BEAN1: variants seen among roughly 807,000 people sequenced by gnomAD.
BEAN1 encodes brain expressed associated with NEDD4 1, also known as protein BEAN1.
A neutral mutation model predicts 17.7 loss-of-function variants in BEAN1; 17 were observed. That is an observed-to-expected ratio of 0.96 (90% CI 0.66 to 1.44). BEAN1 has a LOEUF of 1.44. BEAN1 is among the 40% of genes most tolerant of loss of function. The pLI is 0.00. For synonymous variants in BEAN1, 142 were observed against 151.8 expected, an observed-to-expected ratio of 0.94 and a Z score of 0.47; for missense variants, 359 against 374.1, an observed-to-expected ratio of 0.96 and a Z score of 0.33.
chr16:66,453,183 T>C (rs1351158274), intron 2 of BEAN1, among the ~76,000 whole-genome samples: 1 of 152,202 alleles, frequency 6.6e-6, no homozygotes, highest in Non-Finnish European at 1.5e-5. Flanking sequence ...TTTTCTAGTT[T>C]CTTAACATGA....
At position 66,482,775 on chromosome 16, in the gene BEAN1, T is replaced by C; in HGVS notation, c.*1850T>C. On this transcript the variant is annotated 3_prime_UTR_variant, in exon 5 of 5. Transcript: ENST00000536005. The stretch of plus-strand genomic sequence containing the variant: ...CAATGAATAAGCAACAATGTATCTT[T>C]TCTGTGTTCAAAATAAATACATAAT... The C allele has an allele frequency of 2.3e-6, 1 of 436,204 alleles. No individual in the cohort carries two copies. Among genetic ancestry groups the C allele is most frequent in the African/African-American group, 2.0e-5 (1 of 48,872 alleles). The allele number at this position is 436,204 out of a possible 1,614,324, so 27.0% of individuals were successfully genotyped here. A position where few individuals can be genotyped will look rare whatever the true frequency, so the allele number is the denominator to read the frequency against.
chr16:66,478,933 G>C (rs1196005566), intron 4 of BEAN1: 4 of 152,402 alleles, frequency 2.6e-5, no homozygotes, highest in African/African-American at 9.7e-5. Context: ...GCACGCGTGT[G>C]CCACGCTACA....
Position 66,437,874 on chromosome 16 carries a change from T to C in BEAN1, c.25+173T>C. On this transcript the variant is annotated intron_variant, in intron 2 of 4. Transcript: ENST00000536005. ...GGCAACACGGAAGACCCCTGACGTC[T>C]GCAAGATGCTCCCTGAGAACTGAAA... The C allele has an allele frequency of 3.7e-6, 3 of 810,364 alleles. No homozygotes were observed. In the East Asian group the frequency reaches 8.0e-5, roughly 22 times the overall value. The allele number at this position is 810,364 out of a possible 1,614,324, so 50.2% of individuals were successfully genotyped here.
chr16:66,447,497 T>C (rs1962499516), intron 2 of BEAN1, among the ~76,000 whole-genome samples: 1 of 152,182 alleles, frequency 6.6e-6, no homozygotes. Flanking sequence ...ACAGTGACTG[T>C]TGCAGAACTA....
downstream of BEAN1, among the ~76,000 whole-genome samples, chr16:66,493,901 T>C (rs943088499): frequency 6.6e-6 from 1 of 152,016 alleles, no homozygotes; most frequent in Non-Finnish European, 1.5e-5. Context: ...CGCCCTGAGG[T>C]GGAGGAAGAT....
Position 66,482,603 on chromosome 16 carries a change from C to A in BEAN1, c.*1678C>A, listed in dbSNP as rs574797210. Reference sequence around the variant, plus strand: ...GTTGTACTGTATAGCCTTTAAAATGCAGTCCAGGAATGAGACTCTTTTAAG... The same window carrying A: ...GTTGTACTGTATAGCCTTTAAAATGAAGTCCAGGAATGAGACTCTTTTAAG... On this transcript the variant is annotated 3_prime_UTR_variant, in exon 5 of 5. Transcript: ENST00000536005. 5 of 353,360 alleles carry A rather than the reference C, an allele frequency of 1.4e-5. No homozygotes were observed. Among genetic ancestry groups the A allele is most frequent in the Non-Finnish European group, 2.2e-5 (4 of 182,234 alleles). 21.9% of individuals were successfully genotyped at this position (353,360 alleles called of 1,614,324 possible). A position where few individuals can be genotyped will look rare whatever the true frequency, so the allele number is the denominator to read the frequency against.
chr16:66,480,944 T>C lies in BEAN1; in HGVS notation c.*19T>C. ...TGTGTGAGGGACCCAGCCAGCCGGG[T>C]CCTGCTGGTCCCTACAGGCTGAACC... is the stretch of plus-strand genomic sequence containing the variant. On this transcript the variant is annotated 3_prime_UTR_variant, in exon 5 of 5. Transcript: ENST00000536005. 1 of 1,419,278 alleles carries C rather than the reference T, an allele frequency of 7.0e-7. No homozygotes were observed. Among genetic ancestry groups the C allele is most frequent in the East Asian group, 2.5e-5 (1 of 39,672 alleles). 87.9% of individuals were successfully genotyped at this position (1,419,278 alleles called of 1,614,324 possible).
chr16:66,442,423 A>G (rs1245961565), intron 2 of BEAN1, among the ~76,000 whole-genome samples: 5 of 152,222 alleles, frequency 3.3e-5, no homozygotes, highest in Non-Finnish European at 7.3e-5. Flanking sequence ...GGGGCCCCAG[A>G]AGAGACTAAG....
At chr16:66,489,756 G>A (rs1456086391) in intron 4 of BEAN1, among the ~76,000 whole-genome samples, 1 of 152,222 alleles carries the variant, frequency 6.6e-6, no homozygotes, top group Non-Finnish European at 1.5e-5. Flanking sequence ...AGGCTGGAGG[G>A]AAGTTTTATA....
At chr16:66,435,145 T>C (rs1555516380) in intron 1 of BEAN1, among the ~76,000 whole-genome samples, 1 of 152,002 alleles carries the variant, frequency 6.6e-6, no homozygotes, top group Non-Finnish European at 1.5e-5. Flanking sequence ...AGAAGGATGA[T>C]CAGCCCAGGG....
At chr16:66,460,574 C>G (rs563217870) in intron 2 of BEAN1, among the ~76,000 whole-genome samples, 1 of 152,200 alleles carries the variant, frequency 6.6e-6, no homozygotes, top group Non-Finnish European at 1.5e-5. Context: ...GACACACAGG[C>G]TCCCATCTCT....
At chr16:66,431,086 AGT>A (rs1458974483) in intron 1 of BEAN1, among the ~76,000 whole-genome samples, 2 of 152,260 alleles carry the variant, frequency 1.3e-5, no homozygotes, top group African/African-American at 4.8e-5. Flanking sequence ...AAAGCTTATC[AGT>A]GAGTTCAATG....
chr16:66,457,208 TGGATGGATGGATGAATGAC>T (rs534490021), intron 2 of BEAN1, among the ~76,000 whole-genome samples: 1 of 151,950 alleles, frequency 6.6e-6, no homozygotes, highest in Non-Finnish European at 1.5e-5. Flanking sequence ...AGGGGATGGG[TGGATGGATGGATGAATGAC>T]GGATGGATGG....
chr16:66,478,012 G>A, intron 4 of BEAN1: 1 of 255,790 alleles, frequency 3.9e-6, no homozygotes, highest in Non-Finnish European at 7.4e-6. Context: ...CGTGGCAGCT[G>A]TTCTGAATTC....
Position 66,469,867 on chromosome 16 carries a change from T to C in BEAN1, c.289+2T>C, listed in dbSNP as rs1389641533. On this transcript the variant is annotated splice_donor_variant, in intron 3 of 4. Coordinates refer to ENST00000536005, the MANE Select transcript of BEAN1 (RefSeq NM_001178020.3). LOFTEE classifies it high-confidence loss of function. ...ACCGAGAGTACGAGCACGGCTACGG[T>C]GAGCCGCCGCCCACCCTGGGGCCCT... 1 of 1,528,350 alleles carries C rather than the reference T, an allele frequency of 6.5e-7. No individual in the cohort carries two copies. Among genetic ancestry groups the C allele is most frequent in the East Asian group, 2.5e-5 (1 of 40,640 alleles). 94.7% of individuals were successfully genotyped at this position (1,528,350 alleles called of 1,614,324 possible). A position where few individuals can be genotyped will look rare whatever the true frequency, so the allele number is the denominator to read the frequency against.
intron 1 of BEAN1, among the ~76,000 whole-genome samples, chr16:66,432,055 C>G (rs762838907): frequency 6.6e-6 from 1 of 152,078 alleles, no homozygotes; most frequent in Non-Finnish European, 1.5e-5. Flanking sequence ...GAAACTTTTT[C>G]TGAAAAAACA....
rs1963468968 is a variant in BEAN1, at chr16:66,471,170, C to T, written c.289+1305C>T. ...CCCCTCCTCCCCCTCCCAGACACAC[C>T]CTGATTAGCCAGGTTTGGGGTATTT... On this transcript the variant is annotated intron_variant, in intron 3 of 4. Coordinates refer to ENST00000536005, the MANE Select transcript of BEAN1 (RefSeq NM_001178020.3). The surrounding 1 kb of genome is among the most constrained non-coding windows in gnomAD (Gnocchi z 4.7). Among the ~76,000 whole-genome samples the T allele has an allele frequency of 6.6e-6, 1 of 152,224 alleles. No homozygotes were observed. Among genetic ancestry groups the T allele is most frequent in the Admixed American group, 6.5e-5 (1 of 15,286 alleles).
chr16:66,481,644 T>C lies in BEAN1; in HGVS notation c.*719T>C. Reference sequence around the variant, plus strand: ...CAGGTGGTGCTAGTAGAGCTATCTCTGACGCTGCAGGCCCCAGGTAGATGG... The same window carrying C: ...CAGGTGGTGCTAGTAGAGCTATCTCCGACGCTGCAGGCCCCAGGTAGATGG... On this transcript the variant is annotated 3_prime_UTR_variant, in exon 5 of 5. Transcript: ENST00000536005. This position sits in a 1 kb window ranked among gnomAD's most constrained non-coding sequence, Gnocchi z 4.1. 1 of 173,014 alleles carries C rather than the reference T, an allele frequency of 5.8e-6. No homozygotes were observed. The highest frequency in any genetic ancestry group is 1.5e-4 in the East Asian group (1 of 6,508). The allele number at this position is 173,014 out of a possible 1,614,324, so 10.7% of individuals were successfully genotyped here.
intron 2 of BEAN1, 96 bp downstream of exon 2, chr16:66,437,797 A>C (rs894697743): frequency 1.3e-5 from 18 of 1,426,772 alleles, no homozygotes; most frequent in Non-Finnish European, 1.7e-5. Flanking sequence ...GTTTGGCCAA[A>C]GAACTGCAGG....
Sources: gnomAD v4.1 joint callset for allele counts (sites outside exome capture counted in the v4.1 genomes callset) on GRCh38, gnomAD v4.1.1 for gene constraint, Gnocchi (gnomAD v3.1) non-coding constraint, MANE v1.5 for transcripts, NCBI Gene and HGNC (gene_info 2026-07-23, HGNC 2026-07-21) for gene names.